The following ERLIN2 variants were observed in gnomAD, a reference collection of about 807,000 sequenced individuals.
The protein encoded by ERLIN2 is ER lipid raft associated 2.
In ERLIN2, 22 loss-of-function variants were observed where a neutral mutation model predicts 41.5. The ratio of observed to expected loss-of-function variants is 0.53; its 90% CI spans 0.38 to 0.76. The LOEUF is 0.76. Among genes scored for constraint, ERLIN2 ranks in the 30% least tolerant of loss-of-function variants. The probability of loss-of-function intolerance (pLI) is 0.00; values close to 1 mark genes in which losing one functional copy is unlikely to be tolerated. For synonymous variants in ERLIN2, 149 were observed against 150.9 expected (o/e 0.99, Z 0.09); for missense variants, 247 against 414.3 (o/e 0.60, Z 3.51).
chr8:37,738,303 A>G (rs916045471), intron 2 of ERLIN2, among the ~76,000 whole-genome samples: 17 of 152,240 alleles, frequency 1.1e-4, no homozygotes, highest in Middle Eastern at 3.2e-3. Context: ...CAAAATCTAA[A>G]GGAAACTGGT....
rs1011760721 is a variant in ERLIN2 at position 37,754,796 on chromosome 8, C to A, written c.*681C>A. ...TAGAGTCAGAGCTTGATCACCACAACTCAATTATTTCGGCATCTTTTCACC... is the reference window on the plus strand; with the variant it reads ...TAGAGTCAGAGCTTGATCACCACAAATCAATTATTTCGGCATCTTTTCACC... On this transcript the variant is annotated 3_prime_UTR_variant, in exon 12 of 12. Coordinates refer to ENST00000519638, the MANE Select transcript of ERLIN2 (RefSeq NM_007175.8). 6.5e-6 allele frequency: 1 copy of A among 152,876 alleles called. No individual in the cohort carries two copies. Among genetic ancestry groups the A allele is most frequent in the Non-Finnish European group, 1.5e-5 (1 of 68,496 alleles). The allele number at this position is 152,876 out of a possible 1,614,324, so 9.5% of individuals were successfully genotyped here. A position where few individuals can be genotyped will look rare whatever the true frequency, so the allele number is the denominator to read the frequency against.
chr8:37,754,523 G>T lies in ERLIN2; in HGVS notation c.*408G>T, dbSNP rs1305062822. The T allele has an allele frequency of 1.1e-5, 3 of 282,672 alleles. No individual in the cohort carries two copies. The highest frequency in any genetic ancestry group is 9.6e-5 in the Admixed American group (2 of 20,894). The allele number at this position is 282,672 out of a possible 1,614,324, so 17.5% of individuals were successfully genotyped here. A position where few individuals can be genotyped will look rare whatever the true frequency, so the allele number is the denominator to read the frequency against. On this transcript the variant is annotated 3_prime_UTR_variant, in exon 12 of 12. Coordinates refer to ENST00000519638, the MANE Select transcript of ERLIN2 (RefSeq NM_007175.8). ...TCTCACCTCTGCCTCCAAGGTAGGA[G>T]ATGTCTGTGGGTGAGGCTCAGCAAC...
intron 6 of ERLIN2, among the ~76,000 whole-genome samples, chr8:37,746,761 C>T (rs1803066337): frequency 6.6e-6 from 1 of 152,102 alleles, no homozygotes; most frequent in Non-Finnish European, 1.5e-5. Context: ...TGGGATGGCT[C>T]ACCTATAGCT....
chr8:37,744,726 C>T, intron 6 of ERLIN2, 30 bp downstream of exon 6: 5 of 1,613,970 alleles, frequency 3.1e-6, no homozygotes, highest in Non-Finnish European at 3.4e-6. Context: ...GCATGCCGTG[C>T]TTAAGCAGGG....
intron 6 of ERLIN2, chr8:37,745,139 A>G (rs1282138623): frequency 5.9e-6 from 3 of 505,626 alleles, no homozygotes; most frequent in East Asian, 3.2e-5. Flanking sequence ...GGGCTGAAAC[A>G]GGAGCCTTCC....
At chr8:37,752,153 G>A (rs988180599) in intron 10 of ERLIN2, among the ~76,000 whole-genome samples, 1 of 152,198 alleles carries the variant, frequency 6.6e-6, no homozygotes, top group South Asian at 2.1e-4. Context: ...GGTCTATGCA[G>A]ATATTAAGCC....
intron 6 of ERLIN2, chr8:37,746,349 T>C: frequency 1.0e-6 from 1 of 985,396 alleles, no homozygotes; most frequent in Non-Finnish European, 1.2e-6. Flanking sequence ...CTTTGAAGTT[T>C]ACCTGAAGAA....
At chr8:37,752,847 C>T (rs115391709) in intron 10 of ERLIN2, among the ~76,000 whole-genome samples, 2 of 152,242 alleles carry the variant, frequency 1.3e-5, no homozygotes, top group African/African-American at 4.8e-5. Flanking sequence ...GTGTAATTCT[C>T]TCTCAGAATC....
chr8:37,750,966 A>G (rs1234888867), intron 9 of ERLIN2, among the ~76,000 whole-genome samples: 1 of 152,090 alleles, frequency 6.6e-6, no homozygotes, highest in East Asian at 1.9e-4. Flanking sequence ...TGATCTGCCC[A>G]CCTCAGCCTC....
At chr8:37,740,519 AT>A (rs1802813871) in intron 3 of ERLIN2, 73 bp downstream of exon 3, 6 of 1,033,414 alleles carry the variant, frequency 5.8e-6, no homozygotes. Context: ...ATTTGAAATT[AT>A]TTAGCCATTG....
intron 6 of ERLIN2, chr8:37,746,685 G>T: frequency 4.1e-6 from 1 of 245,940 alleles, no homozygotes; most frequent in South Asian, 1.5e-4. Flanking sequence ...ATTTTCATTC[G>T]GATCTGAGCT....
Position 37,757,532 on chromosome 8 carries a change from G to A in ERLIN2, c.*3417G>A, listed in dbSNP as rs1460631955. ...TAACTGAGAAATGATTCTTGTTTTA[G>A]TAATCATTCTATAAATGATACTGCT... On this transcript the variant is annotated 3_prime_UTR_variant, in exon 12 of 12. Coordinates refer to ENST00000519638, the MANE Select transcript of ERLIN2 (RefSeq NM_007175.8). The A allele has an allele frequency of 6.6e-6, 1 of 152,138 alleles. No homozygotes were observed. The highest frequency in any genetic ancestry group is 1.9e-4 in the East Asian group (1 of 5,206). The allele number at this position is 152,138 out of a possible 1,614,324, so 9.4% of individuals were successfully genotyped here. A position where few individuals can be genotyped will look rare whatever the true frequency, so the allele number is the denominator to read the frequency against.
At chr8:37,749,875 C>G (rs1231703391) in intron 8 of ERLIN2, 23 bp downstream of exon 8, 1 of 1,607,868 alleles carries the variant, frequency 6.2e-7, no homozygotes, top group South Asian at 1.1e-5. Context: ...TCCGCCTGGG[C>G]TGTGACCACC....
At chr8:37,745,093 C>A (rs969568834) in intron 6 of ERLIN2, 6 of 537,728 alleles carry the variant, frequency 1.1e-5, no homozygotes, top group Admixed American at 3.5e-5. Context: ...TGACCCAAAG[C>A]AAGAAAGTCA....
At chr8:37,742,162 T>C (rs888424137) in intron 4 of ERLIN2, among the ~76,000 whole-genome samples, 2 of 151,744 alleles carry the variant, frequency 1.3e-5, no homozygotes, top group African/African-American at 4.8e-5. Context: ...GCCAACATGG[T>C]GAAACCCCGT....
At chr8:37,750,519 G>C (rs374336348) in intron 9 of ERLIN2, 33 bp downstream of exon 9, 7 of 1,562,892 alleles carry the variant, frequency 4.5e-6, no homozygotes, top group South Asian at 1.1e-5. Flanking sequence ...CCCCTTTCCA[G>C]GCAGAAAGGC....
rs745986559 is a variant in ERLIN2 at position 37,744,608 on chromosome 8, C to T, written c.336C>T (p.Asp112=). The change falls in exon 6 of 12, where the codon GAC becomes GAT. Residue 112 remains aspartate (D), a synonymous_variant. Transcript: ENST00000519638. The part of the protein sequence containing the change: ...DIVKNYTADY[D]KALIFNKIHH... ...TGAAGAACTATACTGCTGACTATGA[C>T]AAGGCCCTCATCTTCAACAAGATCC... is the stretch of plus-strand genomic sequence containing the variant. 6.2e-7 allele frequency: 1 copy of T among 1,614,062 alleles called. No homozygotes were observed. The highest frequency in any genetic ancestry group is 8.5e-7 in the Non-Finnish European group (1 of 1,179,916).
Position 37,756,193 on chromosome 8 carries a change from AAAG to A in ERLIN2, c.*2082_*2084del, listed in dbSNP as rs775093023. ...AATAGAGCAAGGCTCCGTCTCAAGA[AAAG>A]AAGGTCATTTCCCAAGACTAGCATA... On this transcript the variant is annotated 3_prime_UTR_variant, in exon 12 of 12. Coordinates refer to ENST00000519638, the MANE Select transcript of ERLIN2 (RefSeq NM_007175.8). 2.6e-5 allele frequency: 4 copies of A among 152,202 alleles called. No homozygotes were observed. The highest frequency in any genetic ancestry group is 7.2e-5 in the African/African-American group (3 of 41,450). The allele number at this position is 152,202 out of a possible 1,614,324, so 9.4% of individuals were successfully genotyped here.
rs1046834020 is a variant in ERLIN2, at chr8:37,741,184, C to G, written c.190-588C>G. ...CAAAACTAGTACAACAGCCCTCCCCCTTATCCACTATTTCACTTTCCACAG... is the reference window on the plus strand; with the variant it reads ...CAAAACTAGTACAACAGCCCTCCCCGTTATCCACTATTTCACTTTCCACAG... On this transcript the variant is annotated intron_variant, in intron 3 of 11. Coordinates refer to ENST00000519638, the MANE Select transcript of ERLIN2 (RefSeq NM_007175.8). This position sits in a 1 kb window ranked among gnomAD's most constrained non-coding sequence, Gnocchi z 4.8. Among the ~76,000 whole-genome samples the G allele has an allele frequency of 6.6e-6, 1 of 152,182 alleles. No individual in the cohort carries two copies. Among genetic ancestry groups the G allele is most frequent in the Non-Finnish European group, 1.5e-5 (1 of 68,034 alleles).
Sources: gnomAD v4.1 joint callset for allele counts (sites outside exome capture counted in the v4.1 genomes callset) on GRCh38, gnomAD v4.1.1 for gene constraint, Gnocchi (gnomAD v3.1) non-coding constraint, MANE v1.5 for transcripts, NCBI Gene and HGNC (gene_info 2026-07-23, HGNC 2026-07-21) for gene names.